STAM: variants seen among roughly 807,000 people sequenced by gnomAD.
STAM encodes signal transducing adapter molecule 1.
Under a neutral mutation model 63.4 loss-of-function variants are expected in STAM, and 16 were observed. The ratio of observed to expected loss-of-function variants is 0.25; its 90% CI spans 0.17 to 0.38. The LOEUF is 0.38. Ranked by LOEUF, STAM falls within the 10% of genes least tolerant of loss-of-function variation. STAM has a pLI of 1.00. For synonymous variants in STAM, 238 were observed against 223.9 expected (o/e 1.06, Z -0.56); for missense variants, 636 against 657.1 (o/e 0.97, Z 0.35).
At chr10:17,652,258 T>A (rs1833770033) in intron 1 of STAM, among the ~76,000 whole-genome samples, 1 of 151,950 alleles carries the variant, frequency 6.6e-6, no homozygotes, top group South Asian at 2.1e-4. Context: ...AAAAAAAAAA[T>A]ACTTGTTCTT....
At position 17,693,207 on chromosome 10, in the gene STAM, C is replaced by T. The variant is rs782396788; in HGVS notation, c.445-15C>T. On this transcript the variant is annotated splice_polypyrimidine_tract_variant and intron_variant, in intron 5 of 13. Transcript: ENST00000377524. ...GATAACAACCCTCAAATACTGTGTT[C>T]CTCTTTTTTGTTAGGCTGCAGAACA... The T allele has an allele frequency of 4.3e-6, 7 of 1,611,598 alleles. No individual in the cohort carries two copies. The South Asian group carries it at 7.7e-5, about 18-fold the overall frequency.
intron 2 of STAM, among the ~76,000 whole-genome samples, chr10:17,669,183 G>T (rs1834524082): frequency 6.6e-6 from 1 of 151,942 alleles, no homozygotes; most frequent in South Asian, 2.1e-4. Flanking sequence ...TTACTGAATC[G>T]TCCATCTTTT....
chr10:17,701,660 C>T (rs1554828469), intron 9 of STAM, among the ~76,000 whole-genome samples: 1 of 152,168 alleles, frequency 6.6e-6, no homozygotes, highest in East Asian at 1.9e-4. Context: ...CCTCAGTTAC[C>T]ATAGCATTCT....
At position 17,644,226 on chromosome 10, in the gene STAM, G is replaced by A. The variant is rs1589009743; in HGVS notation, c.-114G>A. 9.5e-6 allele frequency: 11 copies of A among 1,160,390 alleles called. No individual in the cohort carries two copies. The East Asian group carries it at 2.7e-4, about 29-fold the overall frequency. 71.9% of individuals were successfully genotyped at this position (1,160,390 alleles called of 1,614,324 possible). On this transcript the variant is annotated 5_prime_UTR_variant, in exon 1 of 14. Transcript: ENST00000377524. ...GAGAGGAGGAGCTGTCGCGGACCCT[G>A]TAGAGTCGGTCTCTGTTGCTCTTTT...
At chr10:17,705,992 C>G (rs1397202964) in intron 12 of STAM, among the ~76,000 whole-genome samples, 1 of 151,916 alleles carries the variant, frequency 6.6e-6, no homozygotes, top group Non-Finnish European at 1.5e-5. Flanking sequence ...AGCTTGAGCC[C>G]AGAAGGTCGA....
chr10:17,693,785 A>T (rs1835644626), intron 6 of STAM, among the ~76,000 whole-genome samples: 1 of 152,080 alleles, frequency 6.6e-6, no homozygotes, highest in South Asian at 2.1e-4. Context: ...GTATTCTTGT[A>T]CATATTCTCT....
intron 6 of STAM, 88 bp downstream of exon 6, chr10:17,693,400 T>C (rs1835626981): frequency 8.8e-7 from 1 of 1,142,578 alleles, no homozygotes. Context: ...TAGAACTTTA[T>C]AGCAAAAAGC....
At position 17,715,653 on chromosome 10, in the gene STAM, T is replaced by C. The variant is rs1368463932; in HGVS notation, c.*873T>C. On this transcript the variant is annotated 3_prime_UTR_variant, in exon 14 of 14. Transcript: ENST00000377524. ...TGGTTTACCTTTTCCTAGTTGAAGA[T>C]AGTAATTAGGTTTCTAAGCTGTATA... is the stretch of plus-strand genomic sequence containing the variant. The C allele has an allele frequency of 6.6e-6, 1 of 152,618 alleles. No individual in the cohort carries two copies. The highest frequency in any genetic ancestry group is 1.5e-5 in the Non-Finnish European group (1 of 68,020). 9.5% of individuals were successfully genotyped at this position (152,618 alleles called of 1,614,324 possible).
rs536300686 is a variant in STAM, at chr10:17,648,449, G to A, written c.40+4070G>A. On this transcript the variant is annotated intron_variant, in intron 1 of 13. Coordinates refer to ENST00000377524, the MANE Select transcript of STAM (RefSeq NM_003473.4). ...TAGCCAGCAGCAGCAACCGGCTCGG[G>A]TCCCCTTCCATGCTGTGGAAGCTTT... 7.2e-5 allele frequency among the ~76,000 whole-genome samples: 11 copies of A among 152,270 alleles called. No homozygotes were observed. The South Asian group carries it at 1.2e-3, about 17-fold the overall frequency.
intron 7 of STAM, chr10:17,696,517 C>G (rs1365001930): frequency 5.7e-6 from 2 of 348,072 alleles, no homozygotes. Flanking sequence ...GTATTGGTGC[C>G]TCTTTTTTTG....
At chr10:17,671,674 T>C (rs1246481745) in intron 2 of STAM, among the ~76,000 whole-genome samples, 2 of 152,220 alleles carry the variant, frequency 1.3e-5, no homozygotes, top group Admixed American at 6.5e-5. Context: ...TGTACGTTTT[T>C]AGTCTGACAT....
In STAM at chr10:17,716,526, G is replaced by A. The variant is rs1351821539; in HGVS notation, c.*1746G>A. On this transcript the variant is annotated 3_prime_UTR_variant, in exon 14 of 14. Transcript: ENST00000377524. ...GTTAGTTTTTGATAAATATCTGTCG[G>A]ATTATAATCTTTTCCACTCCAATTT... Among the ~76,000 whole-genome samples the A allele has an allele frequency of 2.0e-5, 3 of 152,028 alleles. No individual in the cohort carries two copies. Among genetic ancestry groups the A allele is most frequent in the Admixed American group, 6.5e-5 (1 of 15,268 alleles).
At chr10:17,680,560 C>A (rs1163692842) in intron 2 of STAM, among the ~76,000 whole-genome samples, 1 of 152,076 alleles carries the variant, frequency 6.6e-6, no homozygotes. Context: ...TGTGTGCCAT[C>A]ATGCCTAGAT....
In STAM at chr10:17,715,321, C is replaced by T. The variant is rs1427567980; in HGVS notation, c.*541C>T. ...AGTTGTTAGCGTATTTACATGAAGGCGCATTATGTTGTCGTGTGTTTCAGT... is the reference window on the plus strand; with the variant it reads ...AGTTGTTAGCGTATTTACATGAAGGTGCATTATGTTGTCGTGTGTTTCAGT... On this transcript the variant is annotated 3_prime_UTR_variant, in exon 14 of 14. Transcript: ENST00000377524. The T allele has an allele frequency of 1.9e-5, 3 of 161,338 alleles. No individual in the cohort carries two copies. Among genetic ancestry groups the T allele is most frequent in the South Asian group, 3.3e-4 (2 of 6,010 alleles). 10.0% of individuals were successfully genotyped at this position (161,338 alleles called of 1,614,324 possible).
At chr10:17,669,187 A>G (rs1554823753) in intron 2 of STAM, among the ~76,000 whole-genome samples, 1 of 152,164 alleles carries the variant, frequency 6.6e-6, no homozygotes, top group African/African-American at 2.4e-5. Context: ...TGAATCGTCC[A>G]TCTTTTTTTC....
chr10:17,665,169 A>C (rs2131590924), intron 2 of STAM, among the ~76,000 whole-genome samples: 1 of 152,084 alleles, frequency 6.6e-6, no homozygotes, highest in South Asian at 2.1e-4. Flanking sequence ...TGTTGTGAAA[A>C]ATTTTTCTTA....
At chr10:17,656,021 T>C (rs1554822099) in intron 1 of STAM, among the ~76,000 whole-genome samples, 1 of 151,928 alleles carries the variant, frequency 6.6e-6, no homozygotes, top group Non-Finnish European at 1.5e-5. Context: ...CATTAGAAGG[T>C]AGTTTCCTCA....
chr10:17,648,113 A>G (rs1833588185), intron 1 of STAM, among the ~76,000 whole-genome samples: 1 of 152,184 alleles, frequency 6.6e-6, no homozygotes. Context: ...CCTATCAGCA[A>G]GATATTTTGG....
At chr10:17,702,688 G>A (rs1554828661) in intron 9 of STAM, among the ~76,000 whole-genome samples, 1 of 152,190 alleles carries the variant, frequency 6.6e-6, no homozygotes, top group Non-Finnish European at 1.5e-5. Flanking sequence ...TGGGCTAGGA[G>A]AAGTGATGTT....
Sources: allele counts gnomAD v4.1 joint callset (sites outside exome capture counted in the v4.1 genomes callset), GRCh38; gene constraint gnomAD v4.1.1; transcripts MANE v1.5; gene names NCBI Gene and HGNC (gene_info 2026-07-23, HGNC 2026-07-21).